Variants in LRBA observed in about 807,000 individuals in gnomAD.
LRBA encodes the protein lipopolysaccharide-responsive and beige-like anchor protein.
A neutral mutation model predicts 330.0 loss-of-function variants in LRBA; 176 were observed. That is an observed-to-expected ratio of 0.53 (90% confidence interval 0.47 to 0.60). The LOEUF is 0.60. Among genes scored for constraint, LRBA ranks in the 20% least tolerant of loss-of-function variants. LRBA has a pLI of 0.00. For synonymous variants in LRBA, 1,230 were observed against 1,193.0 expected (o/e 1.03, Z -0.64); for missense variants, 3,259 against 3,444.8 (o/e 0.95, Z 1.35).
chr4:150,967,926 C>T (rs72721716), intron 2 of LRBA, among the ~76,000 whole-genome samples: 167 of 151,274 alleles, frequency 1.1e-3, no homozygotes, highest in Non-Finnish European at 1.7e-3. Flanking sequence ...TTATCTGAGA[C>T]ATAACATTGA....
At chr4:150,922,933 T>C (rs1208885971) in intron 4 of LRBA, among the ~76,000 whole-genome samples, 1 of 152,060 alleles carries the variant, frequency 6.6e-6, no homozygotes, top group Non-Finnish European at 1.5e-5. Flanking sequence ...ACATGGGTAA[T>C]AACTGTCAAG....
chr4:150,737,276 A>G lies in LRBA; in HGVS notation c.5646-1910T>C, dbSNP rs1731301447. ...CCTCTTCAAGACCAGCCTGGGTAAC[A>G]TAGTGAAACCCTGTCTCTACTAAAA... On this transcript the variant is annotated intron_variant, in intron 35 of 56. Coordinates refer to ENST00000651943, the MANE Select transcript of LRBA (RefSeq NM_001364905.1). 2.6e-5 allele frequency among the ~76,000 whole-genome samples: 4 copies of G among 152,154 alleles called. No homozygotes were observed. In the South Asian group the frequency reaches 8.3e-4, roughly 32 times the overall value.
intron 16 of LRBA, among the ~76,000 whole-genome samples, chr4:150,895,531 G>C (rs1258951934): frequency 1.3e-5 from 2 of 152,148 alleles, no homozygotes; most frequent in African/African-American, 4.8e-5. Flanking sequence ...AGAACATGTG[G>C]TGTTTGGTTT....
At chr4:150,467,885 T>C (rs1755633395) in intron 43 of LRBA, 100 bp from the exon 44 acceptor site, 1 of 542,964 alleles carries the variant, frequency 1.8e-6, no homozygotes, top group Admixed American at 3.4e-5. Flanking sequence ...CAATTTTTGA[T>C]TGCCAGACAT....
chr4:150,629,352 G>T (rs949378127), intron 37 of LRBA, among the ~76,000 whole-genome samples: 2 of 152,126 alleles, frequency 1.3e-5, no homozygotes, highest in Non-Finnish European at 2.9e-5. Flanking sequence ...TTTTTTAAAG[G>T]TATAGGCCAG....
At chr4:150,306,433 C>T (rs968371700) in intron 52 of LRBA, among the ~76,000 whole-genome samples, 2 of 152,126 alleles carry the variant, frequency 1.3e-5, no homozygotes, top group Non-Finnish European at 2.9e-5. Context: ...ATCACAGACA[C>T]ATATTTACCT....
intron 40 of LRBA, among the ~76,000 whole-genome samples, chr4:150,528,527 TTA>T (rs1763722483): frequency 6.6e-6 from 1 of 152,000 alleles, no homozygotes; most frequent in African/African-American, 2.4e-5. Flanking sequence ...TGATACTTTC[TTA>T]ATTTCCATAA....
chr4:150,541,089 C>T (rs545628551), intron 40 of LRBA, among the ~76,000 whole-genome samples: 3 of 152,152 alleles, frequency 2.0e-5, no homozygotes, highest in South Asian at 4.2e-4. Flanking sequence ...CAAAGGTAAA[C>T]GAAAGTTAGC....
chr4:150,777,084 G>GT (rs993806290), intron 34 of LRBA, among the ~76,000 whole-genome samples: 423 of 151,672 alleles, frequency 2.8e-3, no homozygotes, highest in African/African-American at 9.4e-3. Flanking sequence ...TGTTGTTGTT[G>GT]TTGTTGTTGT....
At chr4:150,790,462 A>G (rs938393811) in intron 34 of LRBA, among the ~76,000 whole-genome samples, 2 of 151,644 alleles carry the variant, frequency 1.3e-5, no homozygotes, top group Non-Finnish European at 2.9e-5. Context: ...TTTTGAAAAG[A>G]AAAAAAAAGT....
At chr4:150,402,796 TATAA>T (rs150363039) in intron 47 of LRBA, among the ~76,000 whole-genome samples, 27 of 100,624 alleles carry the variant, frequency 2.7e-4, no homozygotes, top group Non-Finnish European at 5.0e-4. Flanking sequence ...TCTCTATATA[TATAA>T]ATATAAATTC....
intron 5 of LRBA, among the ~76,000 whole-genome samples, chr4:150,917,208 T>C (rs1732731655): frequency 6.6e-6 from 1 of 152,086 alleles, no homozygotes; most frequent in African/African-American, 2.4e-5. Context: ...AAGAAGACTC[T>C]TTATCAGGAA....
At chr4:150,597,040 A>G (rs770991449) in intron 38 of LRBA, 1 of 1,004,476 alleles carries the variant, frequency 1.0e-6, no homozygotes, top group South Asian at 1.6e-5. Context: ...TTGGAGTATG[A>G]CAATAATCAT....
intron 2 of LRBA, among the ~76,000 whole-genome samples, chr4:150,999,384 C>A (rs557268981): frequency 1.0e-3 from 158 of 151,924 alleles, no homozygotes; most frequent in African/African-American, 3.5e-3. Context: ...ACTTCCCTGG[C>A]ACAGGAAATT....
intron 40 of LRBA, chr4:150,579,222 A>C: frequency 2.2e-6 from 1 of 456,720 alleles, no homozygotes; most frequent in Non-Finnish European, 4.4e-6. Flanking sequence ...ACTAACATAC[A>C]TAAAAGCAGA....
intron 34 of LRBA, among the ~76,000 whole-genome samples, chr4:150,791,919 C>A (rs1234561706): frequency 1.3e-5 from 2 of 149,072 alleles, no homozygotes; most frequent in Admixed American, 6.8e-5. Context: ...GTCCCAGCTG[C>A]TCGGGAGGCT....
intron 40 of LRBA, among the ~76,000 whole-genome samples, chr4:150,575,123 T>C (rs1309346714): frequency 6.6e-6 from 1 of 152,024 alleles, no homozygotes; most frequent in Non-Finnish European, 1.5e-5. Context: ...TGGCAGAACC[T>C]TGATATCCAT....
In LRBA at chr4:150,872,757, T is replaced by A; in HGVS notation, c.2166-2A>T. ...GATGCCAGAAGTTTGTAGATAACACTGAATGAATAAAAATTTAAAACAAAC... is the reference window on the plus strand; with the variant it reads ...GATGCCAGAAGTTTGTAGATAACACAGAATGAATAAAAATTTAAAACAAAC... On this transcript the variant is annotated splice_acceptor_variant, in intron 17 of 56. Transcript: ENST00000651943. LOFTEE classifies it high-confidence loss of function. The A allele has an allele frequency of 6.6e-7, 1 of 1,524,092 alleles. No homozygotes were observed. The highest frequency in any genetic ancestry group is 9.0e-7 in the Non-Finnish European group (1 of 1,109,816). 94.4% of individuals were successfully genotyped at this position (1,524,092 alleles called of 1,614,324 possible). A position where few individuals can be genotyped will look rare whatever the true frequency, so the allele number is the denominator to read the frequency against.
intron 49 of LRBA, among the ~76,000 whole-genome samples, chr4:150,322,722 A>G (rs1352744179): frequency 6.6e-6 from 1 of 152,194 alleles, no homozygotes; most frequent in Non-Finnish European, 1.5e-5. Context: ...CACCCTTCTG[A>G]GCAAGTGGCT....
Sources: gnomAD v4.1 joint callset for allele counts (sites outside exome capture counted in the v4.1 genomes callset) on GRCh38, gnomAD v4.1.1 for gene constraint, MANE v1.5 for transcripts, NCBI Gene and HGNC (gene_info 2026-07-23, HGNC 2026-07-21) for gene names.